The following FOXK2 variants were observed in gnomAD, a reference collection of about 807,000 sequenced individuals.
FOXK2 encodes the protein forkhead box protein K2.
In FOXK2, 24 loss-of-function variants were observed where a neutral mutation model predicts 53.3. The observed-to-expected ratio is 0.45, with a 90% CI of 0.33 to 0.63. The LOEUF is 0.63. Among genes scored for constraint, FOXK2 ranks in the 30% least tolerant of loss-of-function variants. The pLI, the probability that FOXK2 is intolerant of heterozygous loss-of-function variation, is 0.03. For synonymous variants in FOXK2, 505 were observed against 407.1 expected (o/e 1.24, Z -2.89); for missense variants, 952 against 910.5 (o/e 1.05, Z -0.59).
chr17:82,596,129 C>A, intron 8 of FOXK2: 8 of 813,038 alleles, frequency 9.8e-6, no homozygotes, highest in Non-Finnish European at 1.2e-5. Flanking sequence ...AGACTGCGAC[C>A]GCGATTGCAG....
intron 6 of FOXK2, among the ~76,000 whole-genome samples, chr17:82,584,764 T>A (rs1023037234): frequency 1.3e-5 from 2 of 152,168 alleles, no homozygotes; most frequent in Non-Finnish European, 2.9e-5. Context: ...CAGGATGGTC[T>A]CAATCTCTTG....
chr17:82,601,237 G>C (rs763085949), intron 8 of FOXK2, 66 bp from the exon 9 acceptor site: 1 of 1,523,522 alleles, frequency 6.6e-7, no homozygotes, highest in Middle Eastern at 2.4e-4. Context: ...ACGTGAGAGC[G>C]TGGGGTTCTG....
chr17:82,590,871 A>G (rs2045246769), intron 8 of FOXK2, among the ~76,000 whole-genome samples: 1 of 152,160 alleles, frequency 6.6e-6, no homozygotes, highest in African/African-American at 2.4e-5. Flanking sequence ...AGGCTGCCTG[A>G]GACTCTCCCA....
chr17:82,568,198 G>A lies in FOXK2; in HGVS notation c.759G>A (p.Pro253=), dbSNP rs945036826. Residue 253 remains proline (P), a synonymous_variant, in exon 3 of 9, where the codon CCG becomes CCA. Transcript: ENST00000335255. ...AGGAAGCTTCAGGTGGAGACAGCCC[G>A]AAGGTAAAGGCTTTGTAGCCTTGAA... is the stretch of plus-strand genomic sequence containing the variant. ...NEKEASGGDS[P]KDDSKPPYSY... 8.1e-6 allele frequency: 13 copies of A among 1,612,126 alleles called. No individual in the cohort carries two copies. Among genetic ancestry groups the A allele is most frequent in the East Asian group, 6.7e-5 (3 of 44,886 alleles).
At chr17:82,574,350 T>C (rs1303230620) in intron 4 of FOXK2, among the ~76,000 whole-genome samples, 1 of 151,722 alleles carries the variant, frequency 6.6e-6, no homozygotes, top group Non-Finnish European at 1.5e-5. Flanking sequence ...GATAGAGTTT[T>C]GCTCTTGTTG....
At chr17:82,587,005 C>T (rs780588213) in intron 7 of FOXK2, 58 bp from the exon 8 acceptor site, 7 of 1,542,372 alleles carry the variant, frequency 4.5e-6, no homozygotes, top group Non-Finnish European at 5.4e-6. Flanking sequence ...TTTAAACTGG[C>T]AAGATTTTTA....
At chr17:82,529,560 G>T (rs976627936) in intron 1 of FOXK2, among the ~76,000 whole-genome samples, 1 of 151,948 alleles carries the variant, frequency 6.6e-6, no homozygotes, top group Non-Finnish European at 1.5e-5. Flanking sequence ...GCTAATTTTT[G>T]TATTTTTAAT....
intron 8 of FOXK2, 57 bp downstream of exon 8, chr17:82,587,329 T>C (rs2045196553): frequency 7.5e-7 from 1 of 1,338,290 alleles, no homozygotes; most frequent in Non-Finnish European, 1.1e-6. Context: ...GCAGAGCCCC[T>C]TCTCACTCGT....
In FOXK2 at chr17:82,588,898, A is replaced by C. The variant is rs563217980; in HGVS notation, c.1786+1626A>C. ...ACACCATTTCTACTAAAAAAAAAAA[A>C]AAAAAAACAAATTAGCCGGGTCTGG... On this transcript the variant is annotated intron_variant, in intron 8 of 8. Coordinates refer to ENST00000335255, the MANE Select transcript of FOXK2 (RefSeq NM_004514.4). 3.8e-4 allele frequency among the ~76,000 whole-genome samples: 57 copies of C among 149,858 alleles called. No individual in the cohort carries two copies. In the East Asian group the frequency reaches 7.4e-3, roughly 19 times the overall value.
chr17:82,565,217 A>G (rs1022798083), intron 2 of FOXK2, among the ~76,000 whole-genome samples: 1 of 152,206 alleles, frequency 6.6e-6, no homozygotes, highest in African/African-American at 2.4e-5. Flanking sequence ...AAACTATAAA[A>G]TTCTTAGAAG....
chr17:82,527,176 G>A lies in FOXK2; in HGVS notation c.419+6869G>A, dbSNP rs115104252. On this transcript the variant is annotated intron_variant, in intron 1 of 8. Transcript: ENST00000335255. ...AATGGCGCTTTGCACTTTGAAAAGT[G>A]TTCAGTGTACAAATCAGTTGCCTTT... is the stretch of plus-strand genomic sequence containing the variant. Among the ~76,000 whole-genome samples the A allele has an allele frequency of 2.6e-3, 403 of 152,244 alleles. 1 individual carries two copies. The highest frequency in any genetic ancestry group is 9.3e-3 in the African/African-American group (388 of 41,568).
At chr17:82,528,320 GA>G (rs953904318) in intron 1 of FOXK2, among the ~76,000 whole-genome samples, 1 of 152,150 alleles carries the variant, frequency 6.6e-6, no homozygotes, top group African/African-American at 2.4e-5. Flanking sequence ...TGAAGAGAAA[GA>G]TTTTTTTGGA....
chr17:82,582,775 A>G lies in FOXK2; in HGVS notation c.944A>G (p.Tyr315Cys). The G allele has an allele frequency of 6.2e-7, 1 of 1,603,460 alleles. No homozygotes were observed. The highest frequency in any genetic ancestry group is 8.5e-7 in the Non-Finnish European group (1 of 1,177,120). Residue 315 changes from tyrosine (Y) to cysteine (C), a missense_variant, in exon 5 of 9, where the codon TAT becomes TGT. By Grantham distance (194) the Tyr-to-Cys change is radical (BLOSUM62 -2). Coordinates refer to ENST00000335255, the MANE Select transcript of FOXK2 (RefSeq NM_004514.4). ...SIRHNLSLNRYFIKVPRSQEE... is the reference protein window; with the variant it reads ...SIRHNLSLNRCFIKVPRSQEE... The stretch of plus-strand genomic sequence containing the variant: ...CGCCACAATCTCTCTCTGAATCGTT[A>G]TTTCATCAAAGTGCCGCGTTCCCAG...
intron 1 of FOXK2, among the ~76,000 whole-genome samples, chr17:82,557,586 C>T (rs1459881660): frequency 2.0e-5 from 3 of 152,110 alleles, no homozygotes; most frequent in Admixed American, 2.0e-4. Context: ...TCTGGTGATC[C>T]ACCTGCCTTG....
chr17:82,566,980 G>A (rs999668987), intron 2 of FOXK2, among the ~76,000 whole-genome samples: 1 of 152,228 alleles, frequency 6.6e-6, no homozygotes, highest in African/African-American at 2.4e-5. Flanking sequence ...CTTTAAGGAT[G>A]GTTGCTGGCA....
At chr17:82,576,440 A>G (rs1425967556) in intron 4 of FOXK2, among the ~76,000 whole-genome samples, 2 of 152,224 alleles carry the variant, frequency 1.3e-5, no homozygotes, top group African/African-American at 4.8e-5. Context: ...TTCAGGAGAA[A>G]TAGGTCTAGG....
rs141190922 is a variant in FOXK2, at chr17:82,565,546, A to G, written c.614+1998A>G. Among the ~76,000 whole-genome samples the G allele has an allele frequency of 5.4e-4, 83 of 152,362 alleles. 1 individual carries two copies. The highest frequency in any genetic ancestry group is 1.1e-3 in the Non-Finnish European group (72 of 68,032). ...AGATATAGAAATGGCCAATAAGGAC[A>G]TGAAAAGATATTCAGCATCAGTAGT... On this transcript the variant is annotated intron_variant, in intron 2 of 8. Coordinates refer to ENST00000335255, the MANE Select transcript of FOXK2 (RefSeq NM_004514.4).
At chr17:82,577,491 C>T (rs4789801) in intron 4 of FOXK2, 81,158 of 308,848 alleles carry the variant, frequency 0.26, 11,620 homozygotes, top group East Asian at 0.44. Context: ...AAAGCTGCGG[C>T]GTGCTCACTG....
intron 8 of FOXK2, chr17:82,587,509 G>T: frequency 1.8e-6 from 1 of 548,088 alleles, no homozygotes; most frequent in Admixed American, 3.1e-5. Flanking sequence ...TACATTGAGA[G>T]GGAAAAATAC....
Sources: allele counts gnomAD v4.1 joint callset (sites outside exome capture counted in the v4.1 genomes callset), GRCh38; gene constraint gnomAD v4.1.1; transcripts MANE v1.5; gene names NCBI Gene and HGNC (gene_info 2026-07-23, HGNC 2026-07-21).